SLC12A1: variants seen among roughly 807,000 people sequenced by gnomAD.
SLC12A1 encodes Na-K-2Cl cotransporter.
Under a neutral mutation model 130.4 loss-of-function variants are expected in SLC12A1, and 89 were observed. That is an observed-to-expected ratio of 0.68 (90% CI 0.58 to 0.81). The LOEUF is 0.81. SLC12A1 is among the 40% of genes least tolerant of loss of function. The probability of loss-of-function intolerance (pLI) is 0.00; values close to 1 mark genes in which losing one functional copy is unlikely to be tolerated. For missense variants in SLC12A1, 1,310 were observed against 1,336.4 expected (o/e 0.98, Z 0.31); for synonymous variants, 499 against 460.0 (o/e 1.08, Z -1.09).
chr15:48,269,886 T>C, intron 19 of SLC12A1, 122 bp downstream of exon 19: 2 of 485,054 alleles, frequency 4.1e-6, no homozygotes, highest in Non-Finnish European at 7.4e-6. Flanking sequence ...TACATTCCCC[T>C]GGTACTCTGA....
At chr15:48,287,728 T>G (rs994588869) in intron 21 of SLC12A1, among the ~76,000 whole-genome samples, 3 of 152,232 alleles carry the variant, frequency 2.0e-5, no homozygotes, top group Non-Finnish European at 2.9e-5. Context: ...CATTGTTGCA[T>G]GCCTAAATAA....
Position 48,290,128 on chromosome 15 carries a change from G to A in SLC12A1, c.2873+1612G>A, listed in dbSNP as rs114394650. On this transcript the variant is annotated intron_variant, in intron 23 of 26. Coordinates refer to ENST00000380993, the MANE Select transcript of SLC12A1 (RefSeq NM_000338.3). ...TAAGCATTTTTCTACTTTTTAAACT[G>A]TTTTCTTTTTTTCTTTTTAAATATT... is the stretch of plus-strand genomic sequence containing the variant. Among the ~76,000 whole-genome samples, 1,149 of 151,982 alleles carry A rather than the reference G, an allele frequency of 7.6e-3. 21 individuals carry two copies. Among genetic ancestry groups the A allele is most frequent in the African/African-American group, 0.027 (1,112 of 41,438 alleles).
chr15:48,249,955 A>T (rs185102339), intron 14 of SLC12A1, among the ~76,000 whole-genome samples: 139 of 152,330 alleles, frequency 9.1e-4, no homozygotes, highest in Admixed American at 1.7e-3. Context: ...TCAGCAGTAG[A>T]AAAACACCAC....
intron 25 of SLC12A1, 129 bp from the exon 26 acceptor site, chr15:48,301,186 G>C (rs1454902549): frequency 2.7e-6 from 2 of 731,182 alleles, no homozygotes; most frequent in Non-Finnish European, 4.7e-6. Flanking sequence ...TTCTAAGCCT[G>C]AAAAAGTAAT....
chr15:48,243,164 G>C (rs1216714196), intron 10 of SLC12A1, among the ~76,000 whole-genome samples: 3 of 152,070 alleles, frequency 2.0e-5, no homozygotes, highest in African/African-American at 7.2e-5. Flanking sequence ...CTGTTATGCA[G>C]AGGTTAAAAT....
intron 17 of SLC12A1, among the ~76,000 whole-genome samples, chr15:48,261,238 G>C (rs966009851): frequency 6.6e-6 from 1 of 152,178 alleles, no homozygotes; most frequent in East Asian, 1.9e-4. Context: ...GAAATAAACT[G>C]GGAGTATAAA....
At chr15:48,271,643 T>C (rs2041900355) in intron 19 of SLC12A1, among the ~76,000 whole-genome samples, 1 of 152,192 alleles carries the variant, frequency 6.6e-6, no homozygotes, top group African/African-American at 2.4e-5. Context: ...CTCAACAGTC[T>C]TTCTAATGTG....
intron 25 of SLC12A1, among the ~76,000 whole-genome samples, chr15:48,299,638 CAAT>C (rs1419466376): frequency 6.6e-6 from 1 of 152,072 alleles, no homozygotes; most frequent in Non-Finnish European, 1.5e-5. Flanking sequence ...CAATTTAACA[CAAT>C]AAGAAATACT....
Position 48,264,273 on chromosome 15 carries a change from G to GT in SLC12A1, c.2155-3280dup, listed in dbSNP as rs200792311. On this transcript the variant is annotated intron_variant, in intron 17 of 26. Coordinates refer to ENST00000380993, the MANE Select transcript of SLC12A1 (RefSeq NM_000338.3). ...GACTTTTACCCTGTTTCTTTTTCTC[G>GT]TTTTTTTTCTAAAAAATTATAAAAT... Among the ~76,000 whole-genome samples, 775 of 151,614 alleles carry GT rather than the reference G, an allele frequency of 5.1e-3. 8 individuals carry two copies. Among genetic ancestry groups the GT allele is most frequent in the Middle Eastern group, 0.044 (13 of 294 alleles).
intron 12 of SLC12A1, 26 bp from the exon 13 acceptor site, chr15:48,247,311 A>T: frequency 6.3e-7 from 1 of 1,593,822 alleles, no homozygotes; most frequent in Non-Finnish European, 8.5e-7. Context: ...TATAAATGAC[A>T]AATTTCTTCT....
chr15:48,220,108 CA>C lies in SLC12A1; in HGVS notation c.421-505del, dbSNP rs59484094. On this transcript the variant is annotated intron_variant, in intron 2 of 26. Transcript: ENST00000380993. ...TGAGTGACACAGCAAGACTCTGCCT[CA>C]AAAAAAAAAAAAAAAAAAAAGGTAG... is the stretch of plus-strand genomic sequence containing the variant. Among the ~76,000 whole-genome samples, 205 of 75,364 alleles carry C rather than the reference CA, an allele frequency of 2.7e-3. 9 individuals are homozygous for C. In the East Asian group the frequency reaches 0.045, roughly 17 times the overall value. The allele number at this position is 75,364 out of a possible 152,430, so 49.4% of individuals were successfully genotyped here. A position where few individuals can be genotyped will look rare whatever the true frequency, so the allele number is the denominator to read the frequency against.
Position 48,249,687 on chromosome 15 carries a change from T to G in SLC12A1, c.1786+11T>G. On this transcript the variant is annotated intron_variant, in intron 14 of 26. Transcript: ENST00000380993. ...ATGCCAAATCTCCAGGTAAGCTGAC[T>G]TCCAAACTAAAATATGCCTAAGCAA... 6.3e-7 allele frequency: 1 copy of G among 1,576,818 alleles called. No individual in the cohort carries two copies. The highest frequency in any genetic ancestry group is 8.7e-7 in the Non-Finnish European group (1 of 1,145,968).
chr15:48,219,015 G>T (rs1228472002), intron 2 of SLC12A1, among the ~76,000 whole-genome samples: 2 of 152,022 alleles, frequency 1.3e-5, no homozygotes, highest in South Asian at 2.1e-4. Flanking sequence ...GAGGCCACAG[G>T]AAAAAACCAT....
chr15:48,277,848 G>GA (rs1022680042), intron 20 of SLC12A1, among the ~76,000 whole-genome samples: 7 of 152,104 alleles, frequency 4.6e-5, no homozygotes, highest in African/African-American at 1.7e-4. Flanking sequence ...GGAGGACGAA[G>GA]AAAAAAACTA....
intron 2 of SLC12A1, among the ~76,000 whole-genome samples, chr15:48,212,217 A>C (rs138132347): frequency 2.2e-4 from 34 of 152,284 alleles, no homozygotes; most frequent in Non-Finnish European, 5.9e-5. Context: ...AATACTAAAA[A>C]ATATGTAATA....
intron 19 of SLC12A1, among the ~76,000 whole-genome samples, 172 bp from the exon 20 acceptor site, chr15:48,274,399 G>C (rs769841948): frequency 2.6e-5 from 4 of 152,126 alleles, no homozygotes; most frequent in African/African-American, 9.7e-5. Context: ...CTTTAAAAAC[G>C]CATAGGGGAA....
At chr15:48,280,958 G>C (rs1315344504) in intron 20 of SLC12A1, among the ~76,000 whole-genome samples, 1 of 152,040 alleles carries the variant, frequency 6.6e-6, no homozygotes. Flanking sequence ...GAACAGCATT[G>C]ATCTGTTCTT....
In SLC12A1 at chr15:48,249,666, C is replaced by CAT; in HGVS notation, c.1777_1778insTA (p.Lys593IlefsTer51). 6.2e-7 allele frequency: 1 copy of CAT among 1,611,922 alleles called. No homozygotes were observed. Among genetic ancestry groups the CAT allele is most frequent in the Non-Finnish European group, 8.5e-7 (1 of 1,178,120 alleles). On this transcript the variant is annotated frameshift_variant, in exon 14 of 27. Coordinates refer to ENST00000380993, the MANE Select transcript of SLC12A1 (RefSeq NM_000338.3). LOFTEE classifies it high-confidence loss of function. ...TCTCCTGCTTCCATGCCTCTTATGC[C>CAT]AAATCTCCAGGTAAGCTGACTTCCA... is the stretch of plus-strand genomic sequence containing the variant.
intron 15 of SLC12A1, among the ~76,000 whole-genome samples, chr15:48,255,489 G>T (rs1038183588): frequency 3.5e-4 from 53 of 152,140 alleles, no homozygotes; most frequent in African/African-American, 1.1e-3. Flanking sequence ...TTTATTCAGG[G>T]ACTGACCAGT....
Sources: gnomAD v4.1 joint callset for allele counts (sites outside exome capture counted in the v4.1 genomes callset) on GRCh38, gnomAD v4.1.1 for gene constraint, MANE v1.5 for transcripts, NCBI Gene and HGNC (gene_info 2026-07-23, HGNC 2026-07-21) for gene names.